The following CNTN4 variants were observed in gnomAD, a reference collection of about 807,000 sequenced individuals.
CNTN4 encodes the protein contactin 4.
In CNTN4, 77 loss-of-function variants were observed where a neutral mutation model predicts 122.5. The observed-to-expected ratio is 0.63, with a 90% CI of 0.52 to 0.76. CNTN4 has a LOEUF of 0.76. Ranked by LOEUF, CNTN4 falls within the 30% of genes least tolerant of loss-of-function variation. The pLI, the probability that CNTN4 is intolerant of heterozygous loss-of-function variation, is 0.00. For synonymous variants in CNTN4, 512 were observed against 447.0 expected, an observed-to-expected ratio of 1.15 and a Z score of -1.83; for missense variants, 1,256 against 1,259.1, an observed-to-expected ratio of 1.00 and a Z score of 0.04.
At chr3:2,108,792 G>A (rs1574839865) in intron 2 of CNTN4, among the ~76,000 whole-genome samples, 2 of 152,298 alleles carry the variant, frequency 1.3e-5, no homozygotes, top group African/African-American at 4.8e-5. Context: ...AAGCACACGA[G>A]TTTTGTGAAG....
chr3:2,895,518 G>A (rs1451818748), intron 10 of CNTN4, among the ~76,000 whole-genome samples: 2 of 152,160 alleles, frequency 1.3e-5, no homozygotes, highest in Non-Finnish European at 1.5e-5. Flanking sequence ...ATCTGAACTT[G>A]AGTTTATCCT....
intron 4 of CNTN4, among the ~76,000 whole-genome samples, chr3:2,650,291 G>GA (rs921674616): frequency 1.1e-4 from 16 of 152,144 alleles, no homozygotes; most frequent in Middle Eastern, 6.8e-3. Flanking sequence ...CCCAGAGAGA[G>GA]AAGTGATTGA....
intron 6 of CNTN4, among the ~76,000 whole-genome samples, chr3:2,746,928 A>T (rs933916440): frequency 3.3e-5 from 5 of 152,184 alleles, no homozygotes; most frequent in Non-Finnish European, 7.4e-5. Flanking sequence ...TCTTGTATCT[A>T]TATTGATTTT....
intron 3 of CNTN4, among the ~76,000 whole-genome samples, chr3:2,402,315 G>T (rs1477327093): frequency 6.6e-6 from 1 of 151,992 alleles, no homozygotes; most frequent in East Asian, 1.9e-4. Flanking sequence ...AACAAAAATT[G>T]GTGAAATTTT....
intron 2 of CNTN4, among the ~76,000 whole-genome samples, chr3:2,279,547 A>T (rs1192727472): frequency 6.6e-6 from 1 of 152,204 alleles, no homozygotes; most frequent in Non-Finnish European, 1.5e-5. Flanking sequence ...ACTGTCTGGA[A>T]AAAGGACTGA....
intron 4 of CNTN4, among the ~76,000 whole-genome samples, chr3:2,574,109 G>T (rs1378577556): frequency 1.3e-5 from 2 of 152,232 alleles, no homozygotes; most frequent in South Asian, 4.1e-4. Context: ...CCAGCTACTT[G>T]GGAGGCTAAG....
At chr3:2,271,456 A>G (rs1341532570) in intron 2 of CNTN4, among the ~76,000 whole-genome samples, 1 of 152,160 alleles carries the variant, frequency 6.6e-6, no homozygotes, top group African/African-American at 2.4e-5. Flanking sequence ...CTCTAGCTAT[A>G]TAATCTCTCT....
At chr3:2,422,071 A>T (rs1204745270) in intron 3 of CNTN4, among the ~76,000 whole-genome samples, 2 of 152,242 alleles carry the variant, frequency 1.3e-5, no homozygotes, top group Non-Finnish European at 1.5e-5. Flanking sequence ...AGAAAATAAA[A>T]TAGTAAAATA....
chr3:2,616,618 C>G (rs1045245346), intron 4 of CNTN4, among the ~76,000 whole-genome samples: 1 of 152,204 alleles, frequency 6.6e-6, no homozygotes, highest in African/African-American at 2.4e-5. Context: ...ATTCCTATTT[C>G]TCCATAGTGT....
intron 6 of CNTN4, among the ~76,000 whole-genome samples, chr3:2,770,413 A>C (rs1017165575): frequency 1.1e-4 from 16 of 152,232 alleles, no homozygotes; most frequent in African/African-American, 3.9e-4. Context: ...CCTTTTGCAC[A>C]CACAAACCTT....
intron 4 of CNTN4, among the ~76,000 whole-genome samples, chr3:2,604,129 A>G (rs1358133749): frequency 6.6e-6 from 1 of 152,240 alleles, no homozygotes; most frequent in Non-Finnish European, 1.5e-5. Flanking sequence ...ACATAGTCAA[A>G]GAAAAAGAAA....
chr3:2,764,813 T>C (rs570013231), intron 6 of CNTN4, among the ~76,000 whole-genome samples: 2 of 152,326 alleles, frequency 1.3e-5, no homozygotes, highest in South Asian at 2.1e-4. Flanking sequence ...ATTCTCTTTT[T>C]TAATACTTAC....
At chr3:2,634,909 T>C (rs916556957) in intron 4 of CNTN4, among the ~76,000 whole-genome samples, 1 of 151,412 alleles carries the variant, frequency 6.6e-6, no homozygotes, top group African/African-American at 2.4e-5. Flanking sequence ...CATTAACCAC[T>C]TGAAATCTAA....
chr3:2,239,704 TAATA>T (rs755128924), intron 2 of CNTN4, among the ~76,000 whole-genome samples: 7 of 152,332 alleles, frequency 4.6e-5, no homozygotes, highest in Non-Finnish European at 8.8e-5. Context: ...TTCTTATAAT[TAATA>T]AATTAAGAAG....
intron 2 of CNTN4, among the ~76,000 whole-genome samples, chr3:2,298,662 A>G (rs2042397080): frequency 6.6e-6 from 1 of 152,186 alleles, no homozygotes; most frequent in African/African-American, 2.4e-5. Flanking sequence ...TCATATAGCT[A>G]CATTTCAACC....
intron 3 of CNTN4, among the ~76,000 whole-genome samples, chr3:2,533,498 G>T (rs1434115654): frequency 4.3e-5 from 3 of 70,330 alleles, no homozygotes; most frequent in African/African-American, 9.3e-5. Flanking sequence ...ATTCCATAGG[G>T]TGTATATGTA....
intron 2 of CNTN4, among the ~76,000 whole-genome samples, chr3:2,309,118 C>G (rs923876672): frequency 6.6e-6 from 1 of 151,884 alleles, no homozygotes; most frequent in East Asian, 1.9e-4. Context: ...ATCAGTTTCC[C>G]TTCCTCTATT....
At chr3:2,954,375 G>A (rs1314647717) in intron 13 of CNTN4, among the ~76,000 whole-genome samples, 2 of 152,200 alleles carry the variant, frequency 1.3e-5, no homozygotes, top group South Asian at 2.1e-4. Context: ...AGTTACTACC[G>A]ATGGACAGTA....
At chr3:2,643,072 T>C (rs2150130007) in intron 4 of CNTN4, among the ~76,000 whole-genome samples, 1 of 152,362 alleles carries the variant, frequency 6.6e-6, no homozygotes, top group South Asian at 2.1e-4. Context: ...GCTTAAACAA[T>C]GCACGCTAAA....
Sources: gnomAD v4.1 joint callset for allele counts (sites outside exome capture counted in the v4.1 genomes callset) on GRCh38, gnomAD v4.1.1 for gene constraint, MANE v1.5 for transcripts, NCBI Gene and HGNC (gene_info 2026-07-23, HGNC 2026-07-21) for gene names.